CEP128: variants seen among roughly 807,000 people sequenced by gnomAD.
The protein encoded by CEP128 is centrosomal protein 128, also known as centrosomal protein 128kDa.
In CEP128, 132 loss-of-function variants were observed where a neutral mutation model predicts 156.7. The ratio of observed to expected loss-of-function variants is 0.84; its 90% CI spans 0.73 to 0.97. The LOEUF is 0.97. Ranked by LOEUF, CEP128 falls within the 50% of genes least tolerant of loss-of-function variation. The pLI is 0.00. For missense variants in CEP128, 1,252 were observed against 1,281.9 expected (o/e 0.98, Z 0.36); for synonymous variants, 469 against 448.9 (o/e 1.04, Z -0.57).
chr14:80,542,961 T>C (rs1889831331), intron 21 of CEP128, among the ~76,000 whole-genome samples: 1 of 152,220 alleles, frequency 6.6e-6, no homozygotes, highest in African/African-American at 2.4e-5. Context: ...AGATGTCCTG[T>C]GTTCTCAAAG....
At chr14:80,888,789 G>T (rs892930975) in intron 8 of CEP128, among the ~76,000 whole-genome samples, 15 of 152,140 alleles carry the variant, frequency 9.9e-5, no homozygotes, top group Non-Finnish European at 2.1e-4. Flanking sequence ...GGGCAATCAG[G>T]CAAGAGAAAT....
At chr14:80,622,866 G>C (rs1007230273) in intron 19 of CEP128, among the ~76,000 whole-genome samples, 34 of 148,942 alleles carry the variant, frequency 2.3e-4, no homozygotes, top group African/African-American at 7.7e-4. Context: ...TGGTGGGACT[G>C]TAAACTAGTT....
intron 8 of CEP128, among the ~76,000 whole-genome samples, chr14:80,880,321 A>C (rs988660504): frequency 1.3e-5 from 2 of 152,188 alleles, no homozygotes; most frequent in Non-Finnish European, 2.9e-5. Flanking sequence ...GCATATAAGG[A>C]AAGTTCCTCA....
At chr14:80,862,707 T>A in intron 9 of CEP128, 50 bp downstream of exon 9, 1 of 1,243,248 alleles carries the variant, frequency 8.0e-7, no homozygotes, top group Non-Finnish European at 1.2e-6. Flanking sequence ...CATGGCTAAA[T>A]AAACATCCAA....
rs530518720 is a variant in CEP128, at chr14:80,693,457, T to TA, written c.2806+49617dup. On this transcript the variant is annotated intron_variant, in intron 19 of 24. Transcript: ENST00000555265. ...ATTGACTTTATTCTTTAATGAGACA[T>TA]AGAGTGATCTTTCAAATCTCAATCA... 1.1e-3 allele frequency among the ~76,000 whole-genome samples: 162 copies of TA among 152,296 alleles called. 1 individual carries two copies. Among genetic ancestry groups the TA allele is most frequent in the African/African-American group, 3.8e-3 (158 of 41,586 alleles).
At chr14:80,520,441 C>CAAACAAAA (rs1555370355) in intron 23 of CEP128, among the ~76,000 whole-genome samples, 28 of 151,106 alleles carry the variant, frequency 1.9e-4, no homozygotes, top group Admixed American at 2.6e-4. Context: ...AACAAACAAA[C>CAAACAAAA]AAAAAACAAC....
At chr14:80,881,504 A>ATACT (rs35593491) in intron 8 of CEP128, among the ~76,000 whole-genome samples, 74,435 of 151,512 alleles carry the variant, frequency 0.49, 18,756 homozygotes, top group African/African-American at 0.57. Flanking sequence ...TAAAGAACTA[A>ATACT]TACTTACCCT....
intron 23 of CEP128, among the ~76,000 whole-genome samples, chr14:80,506,349 T>TG (rs1377997999): frequency 6.6e-6 from 1 of 151,104 alleles, no homozygotes; most frequent in Non-Finnish European, 1.5e-5. Flanking sequence ...TTTTTTTTTT[T>TG]TTTAAGTACA....
intron 10 of CEP128, among the ~76,000 whole-genome samples, chr14:80,838,998 C>T (rs1886222469): frequency 6.6e-6 from 1 of 152,138 alleles, no homozygotes; most frequent in Non-Finnish European, 1.5e-5. Flanking sequence ...ACTCGGGAGG[C>T]TGAGGCAGAA....
Position 80,895,698 on chromosome 14 carries a change from T to C in CEP128, c.645+20A>G, listed in dbSNP as rs770842193. The C allele has an allele frequency of 2.6e-6, 4 of 1,511,038 alleles. No individual in the cohort carries two copies. The highest frequency in any genetic ancestry group is 1.7e-4 in the Middle Eastern group (1 of 5,788). 93.6% of individuals were successfully genotyped at this position (1,511,038 alleles called of 1,614,324 possible). ...CCTCTACATGTGAAATAAAACTTTT[T>C]ATTAAAAAAGAGATCTCACCACTTC... On this transcript the variant is annotated intron_variant, in intron 8 of 24. Transcript: ENST00000555265.
rs996043682 is a variant in CEP128 at position 80,785,399 on chromosome 14, A to G, written c.1707T>C (p.Asp569=). The G allele has an allele frequency of 6.2e-7, 1 of 1,614,170 alleles. No homozygotes were observed. Among genetic ancestry groups the G allele is most frequent in the East Asian group, 2.2e-5 (1 of 44,884 alleles). ...CAAGGTCAGCTTGATGAGACTTAAT[A>G]TCACGTAATTTCTCCTCCTTGGAGT... ...ELHSKEEKLR[D]IKSHQADLEL... Residue 569 remains aspartate, a synonymous_variant, in exon 15 of 25, where the codon GAT becomes GAC. Coordinates refer to ENST00000555265, the MANE Select transcript of CEP128 (RefSeq NM_152446.5).
At position 80,914,338 on chromosome 14, in the gene CEP128, G is replaced by A. The variant is rs116769859; in HGVS notation, c.218C>T (p.Ala73Val). 2.4e-3 allele frequency: 3,903 copies of A among 1,612,652 alleles called. 141 individuals carry two copies. In the East Asian group the frequency reaches 0.075, roughly 31 times the overall value. Reference sequence around the variant, plus strand: ...GTTTCTCACATGTTCTATCGCACCCGCCTGTCCATTACTGTATTCTCGGTA... The same window carrying A: ...GTTTCTCACATGTTCTATCGCACCCACCTGTCCATTACTGTATTCTCGGTA... ...GRYREYSNGQ[A>V]GAIEHLKESL... The change falls in exon 4 of 25, where the codon GCG (alanine) becomes GTG (valine). Residue 73 changes from alanine (A) to valine (V), a missense_variant. By Grantham distance (64) the Ala-to-Val change is moderately conservative. Transcript: ENST00000555265.
chr14:80,706,961 T>C (rs1434133091), intron 19 of CEP128, among the ~76,000 whole-genome samples: 1 of 152,194 alleles, frequency 6.6e-6, no homozygotes, highest in Admixed American at 6.6e-5. Flanking sequence ...CTCATTTCCA[T>C]AACATCCATT....
chr14:80,731,447 T>C (rs2139526286), intron 19 of CEP128, among the ~76,000 whole-genome samples: 1 of 152,282 alleles, frequency 6.6e-6, no homozygotes. Flanking sequence ...CAAGAAATAT[T>C]AGGTTCCTTC....
chr14:80,677,986 G>T (rs1332198351), intron 19 of CEP128, among the ~76,000 whole-genome samples: 1 of 148,988 alleles, frequency 6.7e-6, no homozygotes, highest in African/African-American at 2.5e-5. Context: ...CTTAAGAAAA[G>T]GTTATTTATC....
At chr14:80,602,806 A>C (rs908125052) in intron 19 of CEP128, among the ~76,000 whole-genome samples, 7 of 152,020 alleles carry the variant, frequency 4.6e-5, no homozygotes, top group Non-Finnish European at 1.0e-4. Flanking sequence ...AATTAAAAGG[A>C]ATGAAATTAT....
chr14:80,559,583 G>A (rs1890583519), intron 20 of CEP128, among the ~76,000 whole-genome samples: 1 of 152,084 alleles, frequency 6.6e-6, no homozygotes, highest in African/African-American at 2.4e-5. Flanking sequence ...TACCATTTTT[G>A]TAATGGTAAG....
At chr14:80,545,098 G>A (rs1297789442) in intron 21 of CEP128, among the ~76,000 whole-genome samples, 1 of 152,126 alleles carries the variant, frequency 6.6e-6, no homozygotes, top group Non-Finnish European at 1.5e-5. Context: ...CATCCTCTTA[G>A]TCTCAAGTTT....
chr14:80,820,874 C>T (rs1260080899), intron 13 of CEP128, among the ~76,000 whole-genome samples: 1 of 152,028 alleles, frequency 6.6e-6, no homozygotes, highest in Non-Finnish European at 1.5e-5. Flanking sequence ...GAGCAAAATA[C>T]AATCTAACAT....
Sources: allele counts gnomAD v4.1 joint callset (sites outside exome capture counted in the v4.1 genomes callset), GRCh38; gene constraint gnomAD v4.1.1; transcripts MANE v1.5; gene names NCBI Gene and HGNC (gene_info 2026-07-23, HGNC 2026-07-21).